The following SH3GL2 variants were observed in gnomAD, a reference collection of about 807,000 sequenced individuals.
SH3GL2 encodes the protein SH3 domain containing GRB2 like 2, endophilin A1.
SH3GL2 carries 24 observed loss-of-function variants against 46.0 expected under a neutral mutation model. The ratio of observed to expected loss-of-function variants is 0.52; its 90% CI spans 0.38 to 0.73. SH3GL2 has a LOEUF of 0.73. SH3GL2 is among the 30% of genes least tolerant of loss of function. SH3GL2 has a pLI of 0.00. For missense variants in SH3GL2, 413 were observed against 424.2 expected (o/e 0.97, Z 0.23); for synonymous variants, 196 against 147.1 (o/e 1.33, Z -2.40).
Position 17,583,218 on chromosome 9 carries a change from A to G in SH3GL2, c.45+3931A>G, listed in dbSNP as rs141325914. 4.0e-3 allele frequency among the ~76,000 whole-genome samples: 616 copies of G among 152,348 alleles called. 3 individuals carry two copies. Among genetic ancestry groups the G allele is most frequent in the African/African-American group, 0.014 (580 of 41,574 alleles). On this transcript the variant is annotated intron_variant, in intron 1 of 8. Transcript: ENST00000380607. The stretch of plus-strand genomic sequence containing the variant: ...CATATAACTTTCTATTGCATCAAAA[A>G]GATATACTTTCTCCTTTTTTAATGA...
intron 1 of SH3GL2, among the ~76,000 whole-genome samples, chr9:17,688,718 G>A (rs1326932755): frequency 6.6e-6 from 1 of 152,072 alleles, no homozygotes. Context: ...CCAGCTCAAA[G>A]AGCTCCTAAT....
intron 1 of SH3GL2, among the ~76,000 whole-genome samples, chr9:17,613,797 C>G (rs1245335255): frequency 6.6e-6 from 1 of 152,298 alleles, no homozygotes. Context: ...CTATGGCACA[C>G]GGACATTTGG....
chr9:17,669,089 A>AT (rs1275653169), intron 1 of SH3GL2, among the ~76,000 whole-genome samples: 2 of 152,152 alleles, frequency 1.3e-5, no homozygotes, highest in African/African-American at 2.4e-5. Flanking sequence ...TAATACCATG[A>AT]TTTTTTTAAT....
chr9:17,718,410 G>A (rs1421546842), intron 1 of SH3GL2, among the ~76,000 whole-genome samples: 3 of 152,128 alleles, frequency 2.0e-5, no homozygotes, highest in Admixed American at 2.0e-4. Flanking sequence ...TTTCTTAAAG[G>A]CCTGGAGACC....
chr9:17,584,771 G>A (rs1394360464), intron 1 of SH3GL2, among the ~76,000 whole-genome samples: 2 of 152,114 alleles, frequency 1.3e-5, no homozygotes, highest in Non-Finnish European at 2.9e-5. Flanking sequence ...TGAAGTCAAC[G>A]ATACGGGCCT....
chr9:17,759,031 G>A (rs1463215262), intron 2 of SH3GL2, among the ~76,000 whole-genome samples: 1 of 152,160 alleles, frequency 6.6e-6, no homozygotes, highest in African/African-American at 2.4e-5. Flanking sequence ...AGTGGTGTCT[G>A]TTTACACTAC....
At chr9:17,586,212 C>G (rs1424532357) in intron 1 of SH3GL2, among the ~76,000 whole-genome samples, 1 of 152,052 alleles carries the variant, frequency 6.6e-6, no homozygotes, top group Non-Finnish European at 1.5e-5. Context: ...TTGCTCTACC[C>G]TAATCTCCCT....
intron 1 of SH3GL2, among the ~76,000 whole-genome samples, chr9:17,656,056 G>T (rs1302704822): frequency 6.6e-6 from 1 of 152,164 alleles, no homozygotes; most frequent in Non-Finnish European, 1.5e-5. Context: ...AACTGAAAAA[G>T]TTAAAACTCA....
At chr9:17,604,954 G>A (rs1476438084) in intron 1 of SH3GL2, among the ~76,000 whole-genome samples, 1 of 150,446 alleles carries the variant, frequency 6.6e-6, no homozygotes, top group Non-Finnish European at 1.5e-5. Flanking sequence ...AGGGACAGAG[G>A]TATTAGTGTT....
At chr9:17,683,587 A>G (rs757716785) in intron 1 of SH3GL2, among the ~76,000 whole-genome samples, 23 of 152,016 alleles carry the variant, frequency 1.5e-4, no homozygotes, top group Admixed American at 4.6e-4. Context: ...GGAACGTCCT[A>G]CCCCTATACC....
At chr9:17,751,935 T>G (rs1224335243) in intron 2 of SH3GL2, among the ~76,000 whole-genome samples, 4 of 152,168 alleles carry the variant, frequency 2.6e-5, no homozygotes, top group African/African-American at 4.8e-5. Context: ...TAGTCTGAAA[T>G]TCAGTGATGA....
At chr9:17,715,637 T>C (rs907896792) in intron 1 of SH3GL2, among the ~76,000 whole-genome samples, 2 of 152,120 alleles carry the variant, frequency 1.3e-5, no homozygotes, top group East Asian at 3.9e-4. Context: ...TCAGACATTG[T>C]ATTTTTTTAT....
At chr9:17,777,653 C>T (rs1000890441) in intron 3 of SH3GL2, among the ~76,000 whole-genome samples, 3 of 152,050 alleles carry the variant, frequency 2.0e-5, no homozygotes, top group Admixed American at 6.6e-5. Flanking sequence ...CGCCTTCTCA[C>T]TATGTCCTCA....
intron 1 of SH3GL2, among the ~76,000 whole-genome samples, chr9:17,745,453 G>A (rs976032342): frequency 9.2e-5 from 14 of 152,008 alleles, no homozygotes; most frequent in African/African-American, 2.9e-4. Flanking sequence ...TTTCATAACC[G>A]CTCTGTGTAC....
intron 1 of SH3GL2, chr9:17,589,091 A>G (rs1818431472): frequency 6.6e-6 from 1 of 152,246 alleles, no homozygotes; most frequent in South Asian, 2.1e-4. Flanking sequence ...GCATATGTCC[A>G]TATGTACATA....
chr9:17,747,824 C>G (rs146913849), intron 2 of SH3GL2, among the ~76,000 whole-genome samples: 9 of 151,994 alleles, frequency 5.9e-5, no homozygotes, highest in Non-Finnish European at 8.8e-5. Context: ...CAGGCACGCA[C>G]CACCACGTCT....
intron 1 of SH3GL2, among the ~76,000 whole-genome samples, chr9:17,723,046 C>A (rs907468110): frequency 3.9e-5 from 6 of 152,106 alleles, no homozygotes; most frequent in African/African-American, 1.2e-4. Flanking sequence ...AAAACACACT[C>A]ACAGTTTGTT....
chr9:17,642,425 C>G (rs1819707983), intron 1 of SH3GL2, among the ~76,000 whole-genome samples: 1 of 152,094 alleles, frequency 6.6e-6, no homozygotes, highest in Non-Finnish European at 1.5e-5. Flanking sequence ...ATGAAGGCTG[C>G]CCATGCCTAT....
chr9:17,640,254 A>C (rs1309502067), intron 1 of SH3GL2, among the ~76,000 whole-genome samples: 1 of 152,148 alleles, frequency 6.6e-6, no homozygotes, highest in East Asian at 1.9e-4. Flanking sequence ...GCAGTGTTTC[A>C]TCATTAAATA....
Sources: gnomAD v4.1 joint callset for allele counts (sites outside exome capture counted in the v4.1 genomes callset) on GRCh38, gnomAD v4.1.1 for gene constraint, MANE v1.5 for transcripts, NCBI Gene and HGNC (gene_info 2026-07-23, HGNC 2026-07-21) for gene names.